ROBO2: variants seen among roughly 807,000 people sequenced by gnomAD.
ROBO2 encodes roundabout homolog 2.
Under a neutral mutation model 160.8 loss-of-function variants are expected in ROBO2, and 53 were observed. The observed-to-expected ratio is 0.33, with a 90% CI of 0.26 to 0.41. The LOEUF is 0.41. Among genes scored for constraint, ROBO2 ranks in the 10% least tolerant of loss-of-function variants. The pLI is 1.00. For synonymous variants in ROBO2, 664 were observed against 611.7 expected (o/e 1.09, Z -1.26); for missense variants, 1,577 against 1,722.4 (o/e 0.92, Z 1.49).
At chr3:77,010,910 C>A (rs1189187449) in intron 2 of ROBO2, among the ~76,000 whole-genome samples, 1 of 134,306 alleles carries the variant, frequency 7.4e-6, no homozygotes, top group Non-Finnish European at 1.6e-5. Flanking sequence ...TCCTTCCTTT[C>A]TTCCTTCCTT....
At chr3:76,301,277 A>G (rs1559733851) in intron 2 of ROBO2, among the ~76,000 whole-genome samples, 1 of 152,116 alleles carries the variant, frequency 6.6e-6, no homozygotes, top group Non-Finnish European at 1.5e-5. Context: ...TTTTTAAAGA[A>G]TCATTTCGAT....
In ROBO2 at chr3:76,967,848, A is replaced by G. The variant is rs545009613; in HGVS notation, c.110-130166A>G. On this transcript the variant is annotated intron_variant, in intron 2 of 26. Transcript: ENST00000487694. ...GCCTGAGCCGTGCCTAGCCTAAAAT[A>G]CACATTTTTTATGGTACTTTCTTCC... Among the ~76,000 whole-genome samples the G allele has an allele frequency of 1.1e-4, 16 of 152,166 alleles. No individual in the cohort carries two copies. In the South Asian group the frequency reaches 3.3e-3, roughly 32 times the overall value.
intron 2 of ROBO2, among the ~76,000 whole-genome samples, chr3:76,035,887 C>T (rs1038678211): frequency 6.6e-6 from 1 of 152,018 alleles, no homozygotes; most frequent in Admixed American, 6.5e-5. Context: ...CCTTCACCCT[C>T]TAAAACAGAC....
Position 76,221,152 on chromosome 3 carries a change from G to C in ROBO2, c.109+283550G>C, listed in dbSNP as rs183855902. On this transcript the variant is annotated intron_variant, in intron 2 of 26. Transcript: ENST00000487694. ...CCAGGCAATATTGACTGTTTCTGTG[G>C]TGAAAGCATTCCTCCATCTAGAACT... 2.0e-5 allele frequency among the ~76,000 whole-genome samples: 3 copies of C among 152,324 alleles called. No homozygotes were observed. In the East Asian group the frequency reaches 5.8e-4, roughly 29 times the overall value.
chr3:77,114,040 C>T (rs987931281), intron 2 of ROBO2, among the ~76,000 whole-genome samples: 25 of 152,160 alleles, frequency 1.6e-4, no homozygotes, highest in Non-Finnish European at 3.7e-4. Context: ...GAAGTAGCCT[C>T]TTTCATCGGG....
At chr3:76,798,100 T>A (rs1289617146) in intron 2 of ROBO2, among the ~76,000 whole-genome samples, 11 of 38,092 alleles carry the variant, frequency 2.9e-4, no homozygotes, top group South Asian at 5.6e-4. Flanking sequence ...AAAGACACAT[T>A]AAAAAAAAGA....
rs186497879 is a variant in ROBO2, at chr3:76,222,526, G to A, written c.109+284924G>A. On this transcript the variant is annotated intron_variant, in intron 2 of 26. Coordinates refer to the ROBO2 transcript ENST00000487694. ...GGAAGCTGCTGATAACCAGTTTTAG[G>A]TATTTTCTATCCAGCAGGAGACTGC... 4.6e-5 allele frequency among the ~76,000 whole-genome samples: 7 copies of A among 151,252 alleles called. No individual in the cohort carries two copies. In the East Asian group the frequency reaches 6.0e-4, roughly 13 times the overall value.
chr3:76,856,404 C>T (rs976044050), intron 2 of ROBO2, among the ~76,000 whole-genome samples: 4 of 152,180 alleles, frequency 2.6e-5, no homozygotes, highest in Non-Finnish European at 1.5e-5. Context: ...TCATCTCACA[C>T]AGTTACCCAT....
At chr3:76,793,774 T>C (rs1416959766) in intron 2 of ROBO2, among the ~76,000 whole-genome samples, 1 of 151,982 alleles carries the variant, frequency 6.6e-6, no homozygotes, top group East Asian at 1.9e-4. Context: ...GTATCACCTA[T>C]TTTGACTCCA....
At chr3:76,308,342 C>T (rs1368787657) in intron 2 of ROBO2, among the ~76,000 whole-genome samples, 1 of 140,082 alleles carries the variant, frequency 7.1e-6, no homozygotes, top group African/African-American at 2.7e-5. Flanking sequence ...GCACCACTGC[C>T]CTCCAGCCTG....
At chr3:76,225,695 CAG>C (rs1373084856) in intron 2 of ROBO2, among the ~76,000 whole-genome samples, 1 of 151,918 alleles carries the variant, frequency 6.6e-6, no homozygotes, top group Non-Finnish European at 1.5e-5. Context: ...ACCTGGATGA[CAG>C]AGGGATTCCT....
At chr3:77,590,713 C>T (rs2094159723) in intron 17 of ROBO2, among the ~76,000 whole-genome samples, 1 of 152,068 alleles carries the variant, frequency 6.6e-6, no homozygotes, top group African/African-American at 2.4e-5. Context: ...TCTTCATTCA[C>T]TCACTCCTTA....
intron 2 of ROBO2, among the ~76,000 whole-genome samples, chr3:76,841,279 C>A (rs2068233586): frequency 6.6e-6 from 1 of 152,118 alleles, no homozygotes; most frequent in Non-Finnish European, 1.5e-5. Flanking sequence ...GAATCACTCA[C>A]GGAGCTTCTG....
At chr3:77,244,874 T>C (rs1438235237) in intron 2 of ROBO2, among the ~76,000 whole-genome samples, 2 of 94,158 alleles carry the variant, frequency 2.1e-5, no homozygotes, top group African/African-American at 8.0e-5. Flanking sequence ...TGAAACTTAG[T>C]CTCAAAAAAA....
intron 2 of ROBO2, among the ~76,000 whole-genome samples, chr3:76,852,982 G>A (rs1166961): frequency 0.27 from 40,433 of 151,906 alleles, 5,813 homozygotes; most frequent in East Asian, 0.45. Context: ...TCAAAAAGAT[G>A]ATATCTTAGT....
chr3:76,018,093 A>G (rs1397488685), intron 2 of ROBO2, among the ~76,000 whole-genome samples: 2 of 152,046 alleles, frequency 1.3e-5, no homozygotes, highest in Non-Finnish European at 2.9e-5. Context: ...TTGAAATACT[A>G]TTAGGAGATA....
chr3:75,927,510 C>A (rs1947335234), intron 1 of ROBO2, among the ~76,000 whole-genome samples: 1 of 152,134 alleles, frequency 6.6e-6, no homozygotes, highest in South Asian at 2.1e-4. Flanking sequence ...TTTTGGATTT[C>A]TTAACTTTAA....
At chr3:76,590,837 T>C (rs2086369806) in intron 2 of ROBO2, among the ~76,000 whole-genome samples, 2 of 152,142 alleles carry the variant, frequency 1.3e-5, no homozygotes, top group Non-Finnish European at 2.9e-5. Context: ...TACTGAAATA[T>C]AGCTTATTAA....
At chr3:76,413,945 T>G (rs563747734) in intron 2 of ROBO2, among the ~76,000 whole-genome samples, 129 of 152,238 alleles carry the variant, frequency 8.5e-4, no homozygotes, top group African/African-American at 3.0e-3. Context: ...AAAAAATAAA[T>G]TTAATTAGAC....
Sources: allele counts gnomAD v4.1 joint callset (sites outside exome capture counted in the v4.1 genomes callset), GRCh38; gene constraint gnomAD v4.1.1; transcripts MANE v1.5; gene names NCBI Gene and HGNC (gene_info 2026-07-23, HGNC 2026-07-21).